The following ARHGAP6 variants were observed in gnomAD, a reference collection of about 807,000 sequenced individuals.
ARHGAP6 encodes Rho GTPase activating protein 6.
A neutral mutation model predicts 55.7 loss-of-function variants in ARHGAP6; 16 were observed. The ratio of observed to expected loss-of-function variants is 0.29; its 90% confidence interval spans 0.19 to 0.44. ARHGAP6 has a LOEUF of 0.44. Among genes scored for constraint, ARHGAP6 ranks in the 20% least tolerant of loss-of-function variants. ARHGAP6 has a pLI of 1.00. For missense variants in ARHGAP6, 698 were observed against 808.9 expected (o/e 0.86, Z 1.66); for synonymous variants, 382 against 360.9 (o/e 1.06, Z -0.66).
rs199595553 is a variant in ARHGAP6 at position 11,226,001 on chromosome X, C to CT, written c.748+28546dup. 1.1e-3 allele frequency among the ~76,000 whole-genome samples: 112 copies of CT among 102,419 alleles called. 2 individuals carry two copies. The East Asian group carries it at 0.011, about 10-fold the overall frequency. The allele number at this position is 102,419 out of a possible 115,157, so 88.9% of individuals were successfully genotyped here. A position where few individuals can be genotyped will look rare whatever the true frequency, so the allele number is the denominator to read the frequency against. ...AAAATTCAGTTGGCCCCGAGAGTTTCTTTTTTTTTTTAATTATCCTTTAAG... is the reference window on the plus strand; with the variant it reads ...AAAATTCAGTTGGCCCCGAGAGTTTCTTTTTTTTTTTTAATTATCCTTTAAG... On this transcript the variant is annotated intron_variant, in intron 2 of 12. Transcript: ENST00000337414.
At chrX:11,276,145 G>A (rs893733942) in intron 1 of ARHGAP6, among the ~76,000 whole-genome samples, 5 of 111,355 alleles carry the variant, frequency 4.5e-5, no homozygotes, top group Non-Finnish European at 9.4e-5. Context: ...ATGTTTAAAT[G>A]TCAGCTATTT....
At position 11,137,774 on chromosome X, in the gene ARHGAP6, A is replaced by G. The variant is rs772081152; in HGVS notation, c.*1089T>C. ...TGCACTTGAAAAACTTCAAACTACT[A>G]AAGTACGGTAGAACATTTTACAATA... On this transcript the variant is annotated 3_prime_UTR_variant, in exon 13 of 13. Transcript: ENST00000337414. 2.7e-5 allele frequency: 3 copies of G among 112,748 alleles called. No individual in the cohort carries two copies. The highest frequency in any genetic ancestry group is 7.2e-4 in the South Asian group (2 of 2,791). 9.3% of individuals were successfully genotyped at this position (112,748 alleles called of 1,213,427 possible).
At chrX:11,221,566 T>C (rs186979169) in intron 2 of ARHGAP6, among the ~76,000 whole-genome samples, 4 of 111,949 alleles carry the variant, frequency 3.6e-5, no homozygotes, top group African/African-American at 1.3e-4. Flanking sequence ...AATGTGAGAA[T>C]GCTTCTAATA....
intron 1 of ARHGAP6, among the ~76,000 whole-genome samples, chrX:11,608,554 G>T (rs2052062447): frequency 9.0e-6 from 1 of 111,479 alleles, no homozygotes; most frequent in Non-Finnish European, 1.9e-5. Flanking sequence ...TCATGACTCT[G>T]TGTCCTTTCA....
rs773918508 is a variant in ARHGAP6 at position 11,179,348 on chromosome X, G to C, written c.1434C>G (p.Asp478Glu). Residue 478 changes from aspartate to glutamate, a missense_variant, in exon 7 of 13, where the codon GAC becomes GAG. Asp to Glu is a conservative substitution (Grantham distance 45). Around this residue, in one of 3 missense-constraint regions of ARHGAP6, gnomAD observed 322 missense variants for 451.1 expected, o/e 0.71. Coordinates refer to ENST00000337414, the MANE Select transcript of ARHGAP6 (RefSeq NM_013427.3). The stretch of plus-strand genomic sequence containing the variant: ...TGTACAGCTCCCTGGTGAGAAGGGG[G>C]TCTGGCATGTCCCTCAGGAACTCTT... ...LLKEFLRDMP[D>E]PLLTRELYTA... 3 of 1,208,001 alleles carry C rather than the reference G, an allele frequency of 2.5e-6. No individual in the cohort carries two copies. The African/African-American group carries it at 5.3e-5, about 21-fold the overall frequency.
chrX:11,565,146 G>A (rs1197657347), intron 1 of ARHGAP6, among the ~76,000 whole-genome samples: 1 of 112,204 alleles, frequency 8.9e-6, no homozygotes, highest in Non-Finnish European at 1.9e-5. Context: ...TGAAGCATAG[G>A]TACTAGTCTT....
Position 11,386,079 on chromosome X carries a change from G to C in ARHGAP6, c.589-131372C>G, listed in dbSNP as rs183313236. On this transcript the variant is annotated intron_variant, in intron 1 of 12. Transcript: ENST00000337414. ...AGACAATTCCTGAGAAATTAGAAGGGAAAGGACAGAGCAGGCACAGCAAAT... is the reference window on the plus strand; with the variant it reads ...AGACAATTCCTGAGAAATTAGAAGGCAAAGGACAGAGCAGGCACAGCAAAT... Among the ~76,000 whole-genome samples the C allele has an allele frequency of 3.6e-3, 403 of 112,549 alleles. 5 individuals carry two copies. Among genetic ancestry groups the C allele is most frequent in the Admixed American group, 0.034 (359 of 10,646 alleles).
chrX:11,521,018 T>C (rs1236246023), intron 1 of ARHGAP6, among the ~76,000 whole-genome samples: 1 of 112,028 alleles, frequency 8.9e-6, no homozygotes, highest in Non-Finnish European at 1.9e-5. Context: ...TGTTTTTTTC[T>C]TGTAAATTTG....
At chrX:11,260,082 GGAGA>G (rs1221167907) in intron 1 of ARHGAP6, among the ~76,000 whole-genome samples, 1 of 110,846 alleles carries the variant, frequency 9.0e-6, no homozygotes, top group Non-Finnish European at 1.9e-5. Context: ...AGCAGAGGTG[GGAGA>G]GAGAAAGATT....
intron 1 of ARHGAP6, among the ~76,000 whole-genome samples, chrX:11,291,255 G>A (rs111367666): frequency 0.044 from 4,967 of 111,653 alleles, 290 homozygotes; most frequent in African/African-American, 0.15. Flanking sequence ...CTATGATTCA[G>A]GATATGCAGT....
At chrX:11,537,121 G>C (rs991134178) in intron 1 of ARHGAP6, among the ~76,000 whole-genome samples, 3 of 112,125 alleles carry the variant, frequency 2.7e-5, no homozygotes, top group African/African-American at 9.7e-5. Context: ...ATAAATATTA[G>C]ATAACCCAGC....
intron 1 of ARHGAP6, among the ~76,000 whole-genome samples, chrX:11,278,529 A>G (rs762822388): frequency 3.5e-4 from 39 of 112,064 alleles, no homozygotes; most frequent in African/African-American, 1.2e-3. Flanking sequence ...TCAGATTTCT[A>G]ACCTACAGCA....
chrX:11,563,888 A>G lies in ARHGAP6; in HGVS notation c.588+100353T>C, dbSNP rs773975679. 7.2e-5 allele frequency among the ~76,000 whole-genome samples: 8 copies of G among 111,542 alleles called. No homozygotes were observed. In the East Asian group the frequency reaches 2.2e-3, roughly 31 times the overall value. On this transcript the variant is annotated intron_variant, in intron 1 of 12. Coordinates refer to ENST00000337414, the MANE Select transcript of ARHGAP6 (RefSeq NM_013427.3). ...TTTCTTGCAGGCCTTATTTTCAGTA[A>G]CATGTCTCCGAGTATTCTTAGTTTT...
At chrX:11,278,289 C>T (rs777910815) in intron 1 of ARHGAP6, among the ~76,000 whole-genome samples, 1 of 111,524 alleles carries the variant, frequency 9.0e-6, no homozygotes, top group South Asian at 3.8e-4. Flanking sequence ...CTAGATTATC[C>T]AGGTGGGCCC....
chrX:11,303,132 T>C (rs1229833990), intron 1 of ARHGAP6, among the ~76,000 whole-genome samples: 1 of 112,620 alleles, frequency 8.9e-6, no homozygotes, highest in Non-Finnish European at 1.9e-5. Context: ...TTCCAGAACA[T>C]AGTAGCATTT....
At chrX:11,621,228 G>A (rs1258047155) in intron 1 of ARHGAP6, among the ~76,000 whole-genome samples, 1 of 112,098 alleles carries the variant, frequency 8.9e-6, no homozygotes, top group Non-Finnish European at 1.9e-5. Flanking sequence ...AAATTAGCCT[G>A]TGAATCAAAA....
At chrX:11,186,895 A>C (rs2046392829) in intron 4 of ARHGAP6, among the ~76,000 whole-genome samples, 1 of 111,571 alleles carries the variant, frequency 9.0e-6, no homozygotes, top group African/African-American at 3.3e-5. Flanking sequence ...GAAACAACAC[A>C]AAGTGCTTTA....
At chrX:11,301,740 G>A (rs1018152408) in intron 1 of ARHGAP6, among the ~76,000 whole-genome samples, 1 of 112,195 alleles carries the variant, frequency 8.9e-6, no homozygotes, top group Admixed American at 9.5e-5. Context: ...ACTATTCCAT[G>A]TGCTGGTGAA....
In ARHGAP6 at chrX:11,651,540, T is replaced by C. The variant is rs2052583951; in HGVS notation, c.588+12701A>G. On this transcript the variant is annotated intron_variant, in intron 1 of 12. Transcript: ENST00000337414. ...CACATTTTCTTTATCCAGTCTATCA[T>C]TGACAGTCGTTTAGGTTGATTCCAT... 3.6e-5 allele frequency among the ~76,000 whole-genome samples: 4 copies of C among 112,470 alleles called. No homozygotes were observed. In the Admixed American group the frequency reaches 3.8e-4, roughly 11 times the overall value.
Sources: gnomAD v4.1 joint callset for allele counts (sites outside exome capture counted in the v4.1 genomes callset) on GRCh38, gnomAD v4.1.1 for gene constraint, gnomAD v4.1.1 regional missense constraint, MANE v1.5 for transcripts, NCBI Gene and HGNC (gene_info 2026-07-23, HGNC 2026-07-21) for gene names.